ELOVL7: variants seen among roughly 807,000 people sequenced by gnomAD.
The protein encoded by ELOVL7 is very long chain fatty acid elongase 7.
A neutral mutation model predicts 35.7 loss-of-function variants in ELOVL7; 27 were observed. That is an observed-to-expected ratio of 0.76 (90% CI 0.56 to 1.04). ELOVL7 has a LOEUF of 1.04. Ranked by LOEUF, ELOVL7 falls within the 50% of genes least tolerant of loss-of-function variation. The pLI is 0.00. For missense variants in ELOVL7, 327 were observed against 340.8 expected (o/e 0.96, Z 0.32); for synonymous variants, 113 against 114.6 (o/e 0.99, Z 0.09).
chr5:60,813,296 C>T (rs756270155), intron 1 of ELOVL7, among the ~76,000 whole-genome samples: 1 of 152,202 alleles, frequency 6.6e-6, no homozygotes, highest in African/African-American at 2.4e-5. Context: ...ACAATTCTCA[C>T]TGCTAACAAC....
At chr5:60,775,740 A>G (rs912458248) in intron 3 of ELOVL7, among the ~76,000 whole-genome samples, 1 of 152,142 alleles carries the variant, frequency 6.6e-6, no homozygotes, top group Non-Finnish European at 1.5e-5. Context: ...AGGACTCCCT[A>G]TTCAATAGAT....
chr5:60,790,850 T>G (rs76480408), intron 2 of ELOVL7, among the ~76,000 whole-genome samples: 15,045 of 152,290 alleles, frequency 0.099, 830 homozygotes, highest in Middle Eastern at 0.13. Flanking sequence ...AGAGTTGTTT[T>G]GAGAACCATA....
chr5:60,768,588 A>G (rs1742387118), intron 4 of ELOVL7: 2 of 423,478 alleles, frequency 4.7e-6, no homozygotes, highest in Admixed American at 2.6e-5. Flanking sequence ...GTGACAAGAA[A>G]GAGCCTATTG....
chr5:60,817,985 A>C (rs1745630944), intron 1 of ELOVL7, among the ~76,000 whole-genome samples: 1 of 151,798 alleles, frequency 6.6e-6, no homozygotes, highest in South Asian at 2.1e-4. Context: ...AAACTGGTAT[A>C]TTTGAACAAT....
chr5:60,800,443 T>C (rs531514623), intron 1 of ELOVL7, among the ~76,000 whole-genome samples: 10 of 152,310 alleles, frequency 6.6e-5, no homozygotes, highest in African/African-American at 2.2e-4. Flanking sequence ...CCTTTTATAA[T>C]AAAAACTCAA....
chr5:60,812,123 G>GC (rs1407855047), intron 1 of ELOVL7, among the ~76,000 whole-genome samples: 3 of 152,128 alleles, frequency 2.0e-5, no homozygotes, highest in Non-Finnish European at 4.4e-5. Flanking sequence ...AGGAGACTGA[G>GC]GCAAGAGGAC....
At chr5:60,787,475 C>A (rs1222169519) in intron 2 of ELOVL7, 44 bp from the exon 3 acceptor site, 9 of 1,086,640 alleles carry the variant, frequency 8.3e-6, no homozygotes, top group South Asian at 4.7e-5. Flanking sequence ...TCTATAAATG[C>A]AAATAAAGTC....
chr5:60,782,520 T>C (rs1222066616), intron 3 of ELOVL7, among the ~76,000 whole-genome samples: 2 of 152,172 alleles, frequency 1.3e-5, no homozygotes, highest in East Asian at 1.9e-4. Context: ...AATGGGTGAA[T>C]GGATAAAGAA....
chr5:60,790,811 A>T (rs1003840443), intron 2 of ELOVL7, among the ~76,000 whole-genome samples: 3 of 152,218 alleles, frequency 2.0e-5, no homozygotes, highest in African/African-American at 7.2e-5. Context: ...TCCATTAATT[A>T]CCCACCAAGA....
intron 1 of ELOVL7, among the ~76,000 whole-genome samples, chr5:60,826,034 A>G (rs373873902): frequency 1.4e-4 from 22 of 152,394 alleles, no homozygotes; most frequent in East Asian, 9.6e-4. Flanking sequence ...TGAATCCTAT[A>G]GAGAGCAAAA....
In ELOVL7 at chr5:60,752,884, A is replaced by T. The variant is rs1311881984; in HGVS notation, c.*1740T>A. 6.6e-6 allele frequency: 1 copy of T among 152,178 alleles called. No individual in the cohort carries two copies. The highest frequency in any genetic ancestry group is 1.9e-4 in the East Asian group (1 of 5,206). The allele number at this position is 152,178 out of a possible 1,614,324, so 9.4% of individuals were successfully genotyped here. A position where few individuals can be genotyped will look rare whatever the true frequency, so the allele number is the denominator to read the frequency against. On this transcript the variant is annotated 3_prime_UTR_variant, in exon 9 of 9. Transcript: ENST00000508821. ...CTTGAACCTGGGAGGCAGAGGTTGC[A>T]GTGAACCGAGATTGTGCCATTGCAC... is the stretch of plus-strand genomic sequence containing the variant.
At chr5:60,805,889 GCATGTAGCAGGAAA>G (rs1744896122) in intron 1 of ELOVL7, among the ~76,000 whole-genome samples, 1 of 152,150 alleles carries the variant, frequency 6.6e-6, no homozygotes, top group Non-Finnish European at 1.5e-5. Context: ...CCAACGCCTG[GCATGTAGCAGGAAA>G]CATGTGTGAT....
At chr5:60,797,348 C>T (rs974861694) in intron 2 of ELOVL7, among the ~76,000 whole-genome samples, 3 of 152,176 alleles carry the variant, frequency 2.0e-5, no homozygotes, top group Non-Finnish European at 4.4e-5. Flanking sequence ...GTATCACCCT[C>T]CATTCTCTTT....
intron 3 of ELOVL7, among the ~76,000 whole-genome samples, chr5:60,779,280 A>G (rs1743091557): frequency 6.6e-6 from 1 of 152,184 alleles, no homozygotes; most frequent in South Asian, 2.1e-4. Flanking sequence ...GCACTGCCCA[A>G]GTGGGGACTA....
intron 3 of ELOVL7, among the ~76,000 whole-genome samples, chr5:60,783,471 C>A (rs762049429): frequency 1.3e-5 from 2 of 152,204 alleles, no homozygotes; most frequent in Non-Finnish European, 2.9e-5. Flanking sequence ...AGAGAGTCCA[C>A]TTCCATGTAA....
chr5:60,836,259 A>T (rs1020884853), intron 1 of ELOVL7, among the ~76,000 whole-genome samples: 4 of 152,040 alleles, frequency 2.6e-5, no homozygotes, highest in East Asian at 3.8e-4. Context: ...AGCTTGATTT[A>T]AAAAATTCCA....
intron 2 of ELOVL7, among the ~76,000 whole-genome samples, chr5:60,791,815 G>A (rs573100934): frequency 9.1e-4 from 138 of 152,258 alleles, no homozygotes; most frequent in Non-Finnish European, 1.7e-3. Context: ...AATAAGGCTC[G>A]TTAAGTTATT....
Position 60,844,243 on chromosome 5 carries a change from CGG to C in ELOVL7, c.-171_-170del, listed in dbSNP as rs1241941660. On this transcript the variant is annotated 5_prime_UTR_variant, in exon 1 of 9. Coordinates refer to ENST00000508821, the MANE Select transcript of ELOVL7 (RefSeq NM_024930.3). The stretch of plus-strand genomic sequence containing the variant: ...AGCGCGAGCGCGGAGCTCCTCACAG[CGG>C]CCCCCGCTGTCCCGGCCGCCGACTG... The C allele has an allele frequency of 6.6e-6, 1 of 152,120 alleles. No homozygotes were observed. Among genetic ancestry groups the C allele is most frequent in the Non-Finnish European group, 1.5e-5 (1 of 68,084 alleles). 9.4% of individuals were successfully genotyped at this position (152,120 alleles called of 1,614,324 possible).
chr5:60,796,104 T>C (rs1744246805), intron 2 of ELOVL7, among the ~76,000 whole-genome samples: 1 of 152,206 alleles, frequency 6.6e-6, no homozygotes, highest in Admixed American at 6.5e-5. Context: ...CTGAGATAAG[T>C]AATAAACTTC....
Sources: allele counts gnomAD v4.1 joint callset (sites outside exome capture counted in the v4.1 genomes callset), GRCh38; gene constraint gnomAD v4.1.1; transcripts MANE v1.5; gene names NCBI Gene and HGNC (gene_info 2026-07-23, HGNC 2026-07-21).